The following POLA2 variants were observed in gnomAD, a reference collection of about 807,000 sequenced individuals.
POLA2 encodes DNA polymerase alpha 2, accessory subunit.
POLA2 carries 47 observed loss-of-function variants against 82.8 expected under a neutral mutation model. The ratio of observed to expected loss-of-function variants is 0.57; its 90% confidence interval spans 0.45 to 0.72. The LOEUF is 0.72. Ranked by LOEUF, POLA2 falls within the 30% of genes least tolerant of loss-of-function variation. POLA2 has a pLI of 0.00. For missense variants in POLA2, 634 were observed against 728.1 expected (o/e 0.87, Z 1.49); for synonymous variants, 287 against 286.8 (o/e 1.00, Z -0.01).
intron 4 of POLA2, among the ~76,000 whole-genome samples, chr11:65,273,885 GAAAAGC>G (rs1482732923): frequency 2.6e-5 from 4 of 152,004 alleles, no homozygotes; most frequent in African/African-American, 9.7e-5. Flanking sequence ...CAAATTATGG[GAAAAGC>G]TGTATGCATG....
chr11:65,303,170 GTC>G (rs1949867567), downstream of POLA2, among the ~76,000 whole-genome samples: 1 of 151,908 alleles, frequency 6.6e-6, no homozygotes, highest in African/African-American at 2.4e-5. Context: ...GTGAAACCCC[GTC>G]TCTACTAAAA....
At chr11:65,288,213 C>T (rs113028665) in intron 11 of POLA2, among the ~76,000 whole-genome samples, 147 of 152,210 alleles carry the variant, frequency 9.7e-4, no homozygotes, top group African/African-American at 3.4e-3. Context: ...GAGGCTAAGG[C>T]AGGAGAATTG....
At chr11:65,266,558 C>CT in intron 1 of POLA2, 24 bp from the exon 2 acceptor site, 2 of 1,612,908 alleles carry the variant, frequency 1.2e-6, no homozygotes, top group Non-Finnish European at 1.7e-6. Context: ...TAAGTTTTTA[C>CT]TTGTCCAATT....
In POLA2 at chr11:65,281,715, G is replaced by T; in HGVS notation, c.946G>T (p.Ala316Ser). ...CAACACCACTGGTAGGAAACTTGTT[G>T]CCACCAAACTCTACGAGGTACACAG... is the stretch of plus-strand genomic sequence containing the variant. ...GINTTGRKLV[A>S]TKLYEGVPLP... The change falls in exon 9 of 18, where the codon GCC becomes TCC. Residue 316 changes from alanine to serine, a missense_variant. Ala to Ser is a moderately conservative substitution (Grantham distance 99). Transcript: ENST00000265465. 1.2e-6 allele frequency: 2 copies of T among 1,613,912 alleles called. No individual in the cohort carries two copies. The highest frequency in any genetic ancestry group is 1.7e-6 in the Non-Finnish European group (2 of 1,179,790).
At chr11:65,264,160 C>T (rs563357977) in intron 1 of POLA2, among the ~76,000 whole-genome samples, 12 of 152,086 alleles carry the variant, frequency 7.9e-5, no homozygotes, top group Non-Finnish European at 1.5e-4. Context: ...CTCTGCCTCC[C>T]GAGTTCAAGC....
downstream of POLA2, among the ~76,000 whole-genome samples, chr11:65,302,643 TG>T (rs1949864980): frequency 6.6e-6 from 1 of 152,124 alleles, no homozygotes; most frequent in Non-Finnish European, 1.5e-5. Context: ...TAGTTGCCTC[TG>T]GGGACGGGTG....
Position 65,281,102 on chromosome 11 carries a change from A to T in POLA2, c.855A>T (p.Pro285=), listed in dbSNP as rs1196413467. The T allele has an allele frequency of 6.2e-7, 1 of 1,614,142 alleles. No homozygotes were observed. Among genetic ancestry groups the T allele is most frequent in the South Asian group, 1.1e-5 (1 of 91,082 alleles). ...AACATTCCTCGGGTGCTCAAATTCC[A>T]GTGGATTTATCTGAGCTTAAGGAAT... is the stretch of plus-strand genomic sequence containing the variant. ...DREHSSGAQI[P]VDLSELKEYS... Residue 285 remains proline (P), a synonymous_variant, in exon 8 of 18, where the codon CCA becomes CCT. Coordinates refer to ENST00000265465, the MANE Select transcript of POLA2 (RefSeq NM_002689.4).
chr11:65,275,945 T>C lies in POLA2; in HGVS notation c.408T>C (p.Ser136=), dbSNP rs1333532128. The C allele has an allele frequency of 6.2e-7, 1 of 1,608,042 alleles. No homozygotes were observed. Among genetic ancestry groups the C allele is most frequent in the African/African-American group, 1.3e-5 (1 of 74,486 alleles). Residue 136 remains serine, a synonymous_variant, in exon 5 of 18, where the codon AGT becomes AGC. Coordinates refer to ENST00000265465, the MANE Select transcript of POLA2 (RefSeq NM_002689.4). The part of the protein sequence containing the change: ...STPETPLTKR[S]VSTRSPHQLL... Reference sequence around the variant, plus strand: ...CAGAAACCCCCCTAACAAAAAGGAGTGTGTCAACTCGTAGCCCCCATCAGC... The same window carrying C: ...CAGAAACCCCCCTAACAAAAAGGAGCGTGTCAACTCGTAGCCCCCATCAGC...
chr11:65,303,369 A>G (rs2137622752), downstream of POLA2, among the ~76,000 whole-genome samples: 1 of 150,310 alleles, frequency 6.7e-6, no homozygotes, highest in African/African-American at 2.4e-5. Flanking sequence ...AAACCGAAGA[A>G]GGTGGGGATG....
downstream of POLA2, among the ~76,000 whole-genome samples, chr11:65,300,159 C>G (rs1266014537): frequency 6.6e-6 from 1 of 152,144 alleles, no homozygotes; most frequent in Non-Finnish European, 1.5e-5. Flanking sequence ...GTAGATTTGC[C>G]TATTTTGGGC....
rs543421873 is a variant in POLA2 at position 65,286,064 on chromosome 11, A to G, written c.1007-1652A>G. 2.6e-5 allele frequency among the ~76,000 whole-genome samples: 4 copies of G among 152,246 alleles called. No individual in the cohort carries two copies. The South Asian group carries it at 8.3e-4, about 32-fold the overall frequency. Reference sequence around the variant, plus strand: ...TAAGTTAAGGCTGTTGAGATGGGGGATTAGCCTGGATTATCCAGGTGGGTC... The same window carrying G: ...TAAGTTAAGGCTGTTGAGATGGGGGGTTAGCCTGGATTATCCAGGTGGGTC... On this transcript the variant is annotated intron_variant, in intron 10 of 17. Transcript: ENST00000265465.
At chr11:65,295,704 C>A in intron 16 of POLA2, 105 bp downstream of exon 16, 1 of 1,331,462 alleles carries the variant, frequency 7.5e-7, no homozygotes, top group Non-Finnish European at 1.1e-6. Context: ...CAGCAGGGAA[C>A]TTTACCCTGT....
chr11:65,273,516 G>A (rs1949544191), intron 4 of POLA2, among the ~76,000 whole-genome samples: 1 of 152,162 alleles, frequency 6.6e-6, no homozygotes, highest in Non-Finnish European at 1.5e-5. Context: ...ACCTTGCCAC[G>A]TCTTGCGAGA....
At chr11:65,264,033 T>C (rs957110948) in intron 1 of POLA2, among the ~76,000 whole-genome samples, 3 of 152,132 alleles carry the variant, frequency 2.0e-5, no homozygotes, top group African/African-American at 7.2e-5. Flanking sequence ...CCTTAATGTT[T>C]CCTGACAGTC....
In POLA2 at chr11:65,294,561, T is replaced by C. The variant is rs372745086; in HGVS notation, c.1369T>C (p.Ser457Pro). The C allele has an allele frequency of 1.1e-5, 18 of 1,613,104 alleles. No homozygotes were observed. The highest frequency in any genetic ancestry group is 1.4e-5 in the Non-Finnish European group (16 of 1,179,292). Reference sequence around the variant, plus strand: ...CTCATTTTAGCAAGTACAGTTTGTGTCCGAGCCCTGCAGCCTCTCCATAAA... The same window carrying C: ...CTCATTTTAGCAAGTACAGTTTGTGCCCGAGCCCTGCAGCCTCTCCATAAA... ...REDKKQVQFV[S>P]EPCSLSINGV... Residue 457 changes from serine to proline, a missense_variant, in exon 15 of 18, where the codon TCC (serine) becomes CCC (proline). By Grantham distance (74) the Ser-to-Pro change is moderately conservative. Coordinates refer to ENST00000265465, the MANE Select transcript of POLA2 (RefSeq NM_002689.4).
At chr11:65,277,827 A>C (rs766823955) in intron 5 of POLA2, among the ~76,000 whole-genome samples, 25 of 152,242 alleles carry the variant, frequency 1.6e-4, no homozygotes, top group Non-Finnish European at 3.2e-4. Flanking sequence ...TAAAGCTGAC[A>C]GCAGAAACTG....
At chr11:65,277,463 C>T (rs1949593869) in intron 5 of POLA2, among the ~76,000 whole-genome samples, 1 of 152,206 alleles carries the variant, frequency 6.6e-6, no homozygotes, top group African/African-American at 2.4e-5. Flanking sequence ...CAGGCATGAG[C>T]CAGCATGCCT....
At chr11:65,300,278 C>G (rs538602978), downstream of POLA2, among the ~76,000 whole-genome samples, 1 of 152,140 alleles carries the variant, frequency 6.6e-6, no homozygotes. Flanking sequence ...TCACTGCAAC[C>G]TCTGCCTCCC....
intron 13 of POLA2, among the ~76,000 whole-genome samples, chr11:65,291,353 T>C (rs1478561135): frequency 1.3e-5 from 2 of 152,214 alleles, no homozygotes; most frequent in Non-Finnish European, 2.9e-5. Context: ...ACCAGCAGTG[T>C]GGGCCAGGAT....
Sources: gnomAD v4.1 joint callset for allele counts (sites outside exome capture counted in the v4.1 genomes callset) on GRCh38, gnomAD v4.1.1 for gene constraint, MANE v1.5 for transcripts, NCBI Gene and HGNC (gene_info 2026-07-23, HGNC 2026-07-21) for gene names.